The following IGF2BP1 variants were observed in gnomAD, a reference collection of about 807,000 sequenced individuals.
The protein encoded by IGF2BP1 is insulin like growth factor 2 mRNA binding protein 1.
In IGF2BP1, 11 loss-of-function variants were observed where a neutral mutation model predicts 74.9. That is an observed-to-expected ratio of 0.15 (90% confidence interval 0.09 to 0.24). The LOEUF is 0.24. Ranked by LOEUF, IGF2BP1 falls within the 10% of genes least tolerant of loss-of-function variation. The pLI is 1.00. For missense variants in IGF2BP1, 440 were observed against 757.4 expected, an observed-to-expected ratio of 0.58 and a Z score of 4.92; for synonymous variants, 287 against 281.8, an observed-to-expected ratio of 1.02 and a Z score of -0.18.
In IGF2BP1 at chr17:48,997,517, T is replaced by A; in HGVS notation, c.-229T>A. The A allele has an allele frequency of 2.0e-6, 1 of 505,148 alleles. No homozygotes were observed. 31.3% of individuals were successfully genotyped at this position (505,148 alleles called of 1,614,324 possible). On this transcript the variant is annotated 5_prime_UTR_variant, in exon 1 of 15. Coordinates refer to ENST00000290341, the MANE Select transcript of IGF2BP1 (RefSeq NM_006546.4). The surrounding 1 kb of genome is among the most constrained non-coding windows in gnomAD (Gnocchi z 4.8). ...AGCTGCGCCGTGTCGTCCGTCTCCC[T>A]GCGCGCCGCGGGCACTTCTCCTGGG...
chr17:48,999,061 C>T, intron 1 of IGF2BP1, 48 bp from the exon 2 acceptor site: 1 of 1,172,168 alleles, frequency 8.5e-7, no homozygotes, highest in Non-Finnish European at 1.3e-6. Flanking sequence ...TTCCCACCCC[C>T]AACCCCTGTT....
chr17:49,025,388 T>C (rs1425449556), intron 2 of IGF2BP1, among the ~76,000 whole-genome samples: 1 of 148,740 alleles, frequency 6.7e-6, no homozygotes, highest in Non-Finnish European at 1.5e-5. Flanking sequence ...TTAGAACACC[T>C]GATTCTGCAT....
intron 2 of IGF2BP1, among the ~76,000 whole-genome samples, chr17:49,023,754 A>G (rs1244735432): frequency 6.6e-6 from 1 of 152,128 alleles, no homozygotes; most frequent in East Asian, 1.9e-4. Flanking sequence ...TTGTCCTTGG[A>G]CTAAGAGTTT....
At chr17:49,006,388 G>C (rs1317698411) in intron 2 of IGF2BP1, among the ~76,000 whole-genome samples, 12 of 152,196 alleles carry the variant, frequency 7.9e-5, no homozygotes, top group Non-Finnish European at 1.6e-4. Context: ...TGGAGGAAAG[G>C]TCTTCCTCCC....
At chr17:49,043,399 G>A (rs1217101952) in intron 9 of IGF2BP1, 29 bp from the exon 10 acceptor site, 4 of 1,612,326 alleles carry the variant, frequency 2.5e-6, no homozygotes, top group Non-Finnish European at 3.4e-6. Flanking sequence ...AGGGTGTGCT[G>A]ACTCTTCCTC....
At chr17:49,033,600 C>G (rs1304191069) in intron 5 of IGF2BP1, among the ~76,000 whole-genome samples, 1 of 152,126 alleles carries the variant, frequency 6.6e-6, no homozygotes, top group Non-Finnish European at 1.5e-5. Context: ...ACCTCAGCCC[C>G]CCAGAGTGCT....
Position 49,045,971 on chromosome 17 carries a change from C to T in IGF2BP1, c.1477C>T (p.Arg493Cys), listed in dbSNP as rs753711889. ...GGAAGTGAAGCTGGAGACCCACATACGTGTGCCAGCATCAGCAGCTGGCCG... is the reference window on the plus strand; with the variant it reads ...GGAAGTGAAGCTGGAGACCCACATATGTGTGCCAGCATCAGCAGCTGGCCG... ...KEEVKLETHI[R>C]VPASAAGRVI... is the part of the protein sequence containing the mutation. The change falls in exon 13 of 15, where the codon CGT (arginine) becomes TGT (cysteine). Residue 493 changes from arginine (R) to cysteine (C), a missense_variant. Physicochemically the swap from Arg to Cys is radical, Grantham distance 180. This residue lies in a region of IGF2BP1 where 117 missense variants were observed against 237.2 expected (regional missense o/e 0.49). Transcript: ENST00000290341. The T allele has an allele frequency of 8.1e-6, 13 of 1,614,178 alleles. No individual in the cohort carries two copies. The highest frequency in any genetic ancestry group is 4.5e-5 in the East Asian group (2 of 44,886).
chr17:49,019,202 A>G (rs757850966), intron 2 of IGF2BP1, among the ~76,000 whole-genome samples: 1 of 152,124 alleles, frequency 6.6e-6, no homozygotes, highest in Non-Finnish European at 1.5e-5. Flanking sequence ...TCCCAGGGGT[A>G]GTTTTCAGTC....
Position 49,044,037 on chromosome 17 carries a change from A to G in IGF2BP1, c.1271A>G (p.Lys424Arg), listed in dbSNP as rs2042083134. The G allele has an allele frequency of 6.2e-7, 1 of 1,614,148 alleles. No individual in the cohort carries two copies. Among genetic ancestry groups the G allele is most frequent in the Non-Finnish European group, 8.5e-7 (1 of 1,180,024 alleles). Reference protein sequence around the residue: ...AQAVGAIIGKKGQHIKQLSRF... With the variant: ...AQAVGAIIGKRGQHIKQLSRF... ...GCAGTGGGCGCCATCATCGGCAAGA[A>G]GGGGCAGCACATCAAACAGCTCTCC... The change falls in exon 11 of 15, where the codon AAG becomes AGG. Residue 424 changes from lysine (K) to arginine (R), a missense_variant. Around this residue, in one of 5 missense-constraint regions of IGF2BP1, gnomAD observed 117 missense variants for 237.2 expected, o/e 0.49. Transcript: ENST00000290341.
chr17:49,052,087 C>T lies in IGF2BP1; in HGVS notation c.*2643C>T, dbSNP rs2042173952. On this transcript the variant is annotated 3_prime_UTR_variant, in exon 15 of 15. Coordinates refer to ENST00000290341, the MANE Select transcript of IGF2BP1 (RefSeq NM_006546.4). ...ACAGGTTCCTGCCTTATCATTTTCT[C>T]CCTAGGACATTCCCTTGTAGCCCCC... is the stretch of plus-strand genomic sequence containing the variant. The T allele has an allele frequency of 6.6e-6, 1 of 152,096 alleles. No individual in the cohort carries two copies. Among genetic ancestry groups the T allele is most frequent in the Non-Finnish European group, 1.5e-5 (1 of 68,032 alleles). 9.4% of individuals were successfully genotyped at this position (152,096 alleles called of 1,614,324 possible). A position where few individuals can be genotyped will look rare whatever the true frequency, so the allele number is the denominator to read the frequency against.
intron 2 of IGF2BP1, among the ~76,000 whole-genome samples, chr17:49,007,233 G>A (rs2041561048): frequency 6.6e-6 from 1 of 152,084 alleles, no homozygotes; most frequent in African/African-American, 2.4e-5. Flanking sequence ...AGGCATTCAG[G>A]AACTGGGGAT....
chr17:49,022,606 C>T lies in IGF2BP1; in HGVS notation c.237-3012C>T, dbSNP rs2041806426. On this transcript the variant is annotated intron_variant, in intron 2 of 14. Coordinates refer to ENST00000290341, the MANE Select transcript of IGF2BP1 (RefSeq NM_006546.4). ...TCATTGGTTGGGTGGCCCTGCCCTC[C>T]TCCCCCTCCCTCTCCTGGAACATTC... 2.6e-5 allele frequency among the ~76,000 whole-genome samples: 4 copies of T among 152,104 alleles called. No homozygotes were observed. The South Asian group carries it at 8.3e-4, about 32-fold the overall frequency.
chr17:49,015,764 G>A (rs189778355), intron 2 of IGF2BP1, among the ~76,000 whole-genome samples: 1 of 152,312 alleles, frequency 6.6e-6, no homozygotes, highest in African/African-American at 2.4e-5. Context: ...CTGTCCCAGA[G>A]CTTCTGTTTT....
intron 2 of IGF2BP1, among the ~76,000 whole-genome samples, chr17:49,005,111 C>A (rs919750462): frequency 9.8e-5 from 15 of 152,308 alleles, no homozygotes; most frequent in African/African-American, 3.4e-4. Context: ...TTTGTAAGAC[C>A]TGCTTACTAC....
chr17:49,006,491 A>C (rs1011241018), intron 2 of IGF2BP1, among the ~76,000 whole-genome samples: 3 of 152,194 alleles, frequency 2.0e-5, no homozygotes, highest in Non-Finnish European at 4.4e-5. Context: ...TATTGTTATT[A>C]TTTTGTTGTA....
chr17:49,015,059 C>T, intron 2 of IGF2BP1: 1 of 443,754 alleles, frequency 2.3e-6, no homozygotes, highest in Non-Finnish European at 3.0e-6. Flanking sequence ...GGCTGGAGTG[C>T]AGTGGCGTGA....
In IGF2BP1 at chr17:49,049,563, C is replaced by T; in HGVS notation, c.*119C>T. ...GGGACACCTGGGCCGGGCTGTAGATCAGGTTTGCCCACTTGATTGAGAAAG... is the reference window on the plus strand; with the variant it reads ...GGGACACCTGGGCCGGGCTGTAGATTAGGTTTGCCCACTTGATTGAGAAAG... On this transcript the variant is annotated 3_prime_UTR_variant, in exon 15 of 15. Transcript: ENST00000290341. 1 of 760,686 alleles carries T rather than the reference C, an allele frequency of 1.3e-6. No individual in the cohort carries two copies. The highest frequency in any genetic ancestry group is 2.2e-6 in the Non-Finnish European group (1 of 461,942). 47.1% of individuals were successfully genotyped at this position (760,686 alleles called of 1,614,324 possible).
At chr17:49,026,747 T>TCCTGCCTTCCTG (rs2041863510) in intron 4 of IGF2BP1, among the ~76,000 whole-genome samples, 1 of 141,440 alleles carries the variant, frequency 7.1e-6, no homozygotes, top group South Asian at 2.2e-4. Context: ...CTGCCTGCCT[T>TCCTGCCTTCCTG]CCTGCCTTCC....
Position 48,997,821 on chromosome 17 carries a change from A to C in IGF2BP1, c.76A>C (p.Lys26Gln), listed in dbSNP as rs201168699. 22 of 1,614,096 alleles carry C rather than the reference A, an allele frequency of 1.4e-5. No individual in the cohort carries two copies. In the Admixed American group the frequency reaches 3.7e-4, roughly 27 times the overall value. ...CTTGGAGAAAGTGTTTGCGGAGCAC[A>C]AGATCTCCTACAGCGGCCAGTTCTT... Reference protein sequence around the residue: ...ADLEKVFAEHKISYSGQFLVK... With the variant: ...ADLEKVFAEHQISYSGQFLVK... The change falls in exon 1 of 15, where the codon AAG becomes CAG. Residue 26 changes from lysine to glutamine, a missense_variant. Lys to Gln is a moderately conservative substitution (Grantham distance 53, BLOSUM62 1). Transcript: ENST00000290341. This position sits in a 1 kb window ranked among gnomAD's most constrained non-coding sequence, Gnocchi z 4.8.
Sources: allele counts gnomAD v4.1 joint callset (sites outside exome capture counted in the v4.1 genomes callset), GRCh38; gene constraint gnomAD v4.1.1; regional missense constraint gnomAD v4.1.1; non-coding constraint Gnocchi (gnomAD v3.1); transcripts MANE v1.5; gene names NCBI Gene and HGNC (gene_info 2026-07-23, HGNC 2026-07-21).